Variants in KCNJ12 observed in about 807,000 individuals in gnomAD.
KCNJ12 encodes ATP-sensitive inward rectifier potassium channel 12.
Under a neutral mutation model 22.3 loss-of-function variants are expected in KCNJ12, and 2 were observed. The ratio of observed to expected loss-of-function variants is 0.09; its 90% CI spans 0.04 to 0.28. The LOEUF (loss-of-function observed/expected upper bound fraction) is 0.28. Among genes scored for constraint, KCNJ12 ranks in the 10% least tolerant of loss-of-function variants. KCNJ12 has a pLI of 1.00. For synonymous variants in KCNJ12, 117 were observed against 261.4 expected (o/e 0.45, Z 5.33); for missense variants, 155 against 633.3 (o/e 0.24, Z 8.11).
chr17:21,403,041 A>T (rs558647100), intron 1 of KCNJ12, among the ~76,000 whole-genome samples: 1 of 152,310 alleles, frequency 6.6e-6, no homozygotes, highest in Admixed American at 6.5e-5. Context: ...ACTGGGTCCT[A>T]GGGGCTCAAG....
intron 1 of KCNJ12, among the ~76,000 whole-genome samples, chr17:21,380,356 TG>T (rs1392463295): frequency 6.6e-6 from 1 of 152,256 alleles, no homozygotes; most frequent in East Asian, 1.9e-4. Flanking sequence ...GCCCCTGTGC[TG>T]GGTAGCCATA....
At chr17:21,384,759 GTTGT>G (rs1387271211) in intron 1 of KCNJ12, among the ~76,000 whole-genome samples, 1 of 143,220 alleles carries the variant, frequency 7.0e-6, no homozygotes, top group Non-Finnish European at 1.5e-5. Context: ...TTTTTTTGTT[GTTGT>G]TTGTTTGTTT....
chr17:21,419,534 C>T lies in KCNJ12; in HGVS notation c.*2890C>T, dbSNP rs1907030100. 1.2e-5 allele frequency: 2 copies of T among 167,106 alleles called. No homozygotes were observed. The highest frequency in any genetic ancestry group is 2.4e-5 in the African/African-American group (1 of 41,400). The allele number at this position is 167,106 out of a possible 1,614,324, so 10.4% of individuals were successfully genotyped here. A position where few individuals can be genotyped will look rare whatever the true frequency, so the allele number is the denominator to read the frequency against. On this transcript the variant is annotated 3_prime_UTR_variant, in exon 3 of 3. Coordinates refer to ENST00000583088, the MANE Select transcript of KCNJ12 (RefSeq NM_021012.5). ...TGGAGGTGAGCGTGTGCGTCCGGCT[C>T]GTGTGTAGGAGGCTGTGTGTGTGCC... is the stretch of plus-strand genomic sequence containing the variant.
chr17:21,411,169 G>T (rs1251716857), intron 2 of KCNJ12, among the ~76,000 whole-genome samples: 1 of 152,428 alleles, frequency 6.6e-6, no homozygotes, highest in East Asian at 1.9e-4. Context: ...GAAGCCCAGG[G>T]CCTCAGGGCA....
intron 1 of KCNJ12, among the ~76,000 whole-genome samples, chr17:21,386,852 T>C (rs995460749): frequency 1.3e-5 from 2 of 152,170 alleles, no homozygotes; most frequent in South Asian, 4.1e-4. Flanking sequence ...CCCACCCTAA[T>C]ACAGGATGAT....
intron 1 of KCNJ12, among the ~76,000 whole-genome samples, chr17:21,377,453 C>G (rs1904702758): frequency 6.6e-6 from 1 of 151,896 alleles, no homozygotes; most frequent in South Asian, 2.1e-4. Context: ...TAAAAATATT[C>G]TGGAAATGAT....
intron 1 of KCNJ12, among the ~76,000 whole-genome samples, chr17:21,390,571 G>A (rs781814428): frequency 6.6e-6 from 1 of 152,226 alleles, no homozygotes; most frequent in Admixed American, 6.5e-5. Context: ...GGATGGGGAG[G>A]GGGAGCAATT....
At chr17:21,382,715 T>C (rs1222685882) in intron 1 of KCNJ12, among the ~76,000 whole-genome samples, 3 of 152,100 alleles carry the variant, frequency 2.0e-5, no homozygotes, top group Admixed American at 6.5e-5. Context: ...GGGGAGCAGA[T>C]AGGTTCTGGT....
intron 1 of KCNJ12, among the ~76,000 whole-genome samples, chr17:21,398,257 G>T (rs569837330): frequency 6.6e-6 from 1 of 152,192 alleles, no homozygotes; most frequent in East Asian, 1.9e-4. Flanking sequence ...GGAGGCACAC[G>T]CAGGTGGACT....
At chr17:21,401,105 G>A (rs2142062161) in intron 1 of KCNJ12, among the ~76,000 whole-genome samples, 1 of 152,416 alleles carries the variant, frequency 6.6e-6, no homozygotes, top group South Asian at 2.1e-4. Context: ...GGACCTCCGG[G>A]AACCTGCTCC....
At chr17:21,394,673 G>A (rs1400999937) in intron 1 of KCNJ12, among the ~76,000 whole-genome samples, 29 of 152,194 alleles carry the variant, frequency 1.9e-4, no homozygotes, top group Admixed American at 1.6e-3. Context: ...GGCTCAACTC[G>A]AGGCTGAGGG....
rs1904677239 is a variant in KCNJ12 at position 21,376,950 on chromosome 17, G to GCCCGGC, written c.-179+41_-179+46dup. 1 of 152,014 alleles carries GCCCGGC rather than the reference G, an allele frequency of 6.6e-6. No individual in the cohort carries two copies. Among genetic ancestry groups the GCCCGGC allele is most frequent in the Non-Finnish European group, 1.5e-5 (1 of 67,944 alleles). 9.4% of individuals were successfully genotyped at this position (152,014 alleles called of 1,614,324 possible). A position where few individuals can be genotyped will look rare whatever the true frequency, so the allele number is the denominator to read the frequency against. ...GCCGCGGGCGCATGGTCCCTCCCGG[G>GCCCGGC]CCCGGCCCCAGTTCCCCGCAGGCCG... On this transcript the variant is annotated intron_variant, in intron 1 of 2. Transcript: ENST00000583088. This position sits in a 1 kb window ranked among gnomAD's most constrained non-coding sequence, Gnocchi z 5.3.
At chr17:21,384,014 C>T (rs988778595) in intron 1 of KCNJ12, among the ~76,000 whole-genome samples, 2 of 152,184 alleles carry the variant, frequency 1.3e-5, no homozygotes, top group Non-Finnish European at 2.9e-5. Context: ...GCCTCCCCCA[C>T]CCCCAGAGTT....
At chr17:21,377,995 T>A (rs1403968844) in intron 1 of KCNJ12, among the ~76,000 whole-genome samples, 1 of 152,124 alleles carries the variant, frequency 6.6e-6, no homozygotes, top group Non-Finnish European at 1.5e-5. Context: ...ACCTCCTGGC[T>A]CCCACATCTG....
chr17:21,387,129 C>T (rs1222719418), intron 1 of KCNJ12, among the ~76,000 whole-genome samples: 1 of 151,666 alleles, frequency 6.6e-6, no homozygotes, highest in East Asian at 1.9e-4. Context: ...GCATTCCAGC[C>T]TGGGTGACAG....
At chr17:21,388,279 C>T (rs1905126313) in intron 1 of KCNJ12, among the ~76,000 whole-genome samples, 1 of 152,182 alleles carries the variant, frequency 6.6e-6, no homozygotes. Context: ...GCAGCGGCCT[C>T]GCTTCAGACG....
At position 21,395,319 on chromosome 17, in the gene KCNJ12, G is replaced by A. The variant is rs745648968; in HGVS notation, c.-178-13200G>A. Among the ~76,000 whole-genome samples the A allele has an allele frequency of 7.6e-5, 11 of 144,158 alleles. 1 individual carries two copies. Among genetic ancestry groups the A allele is most frequent in the South Asian group, 2.2e-4 (1 of 4,598 alleles). The allele number at this position is 144,158 out of a possible 152,430, so 94.6% of individuals were successfully genotyped here. On this transcript the variant is annotated intron_variant, in intron 1 of 2. Transcript: ENST00000583088. ...AAAAAAAAAAAAAAAAAAAAACGGC[G>A]CACAGTGACTCATGCCTGTAATCCC...
At chr17:21,407,481 A>T (rs1470846091) in intron 1 of KCNJ12, among the ~76,000 whole-genome samples, 3 of 151,034 alleles carry the variant, frequency 2.0e-5, no homozygotes, top group African/African-American at 7.3e-5. Context: ...TTCTTCACTC[A>T]CCCATCCACT....
intron 1 of KCNJ12, among the ~76,000 whole-genome samples, chr17:21,403,520 C>T (rs1905752187): frequency 6.6e-6 from 1 of 152,132 alleles, no homozygotes; most frequent in African/African-American, 2.4e-5. Flanking sequence ...GTCTGAGACT[C>T]AAATTAAGTT....
Sources: gnomAD v4.1 joint callset for allele counts (sites outside exome capture counted in the v4.1 genomes callset) on GRCh38, gnomAD v4.1.1 for gene constraint, Gnocchi (gnomAD v3.1) non-coding constraint, MANE v1.5 for transcripts, NCBI Gene and HGNC (gene_info 2026-07-23, HGNC 2026-07-21) for gene names.